AGBL1: variants seen among roughly 807,000 people sequenced by gnomAD.
The protein encoded by AGBL1 is cytosolic carboxypeptidase 4.
A neutral mutation model predicts 118.9 loss-of-function variants in AGBL1; 130 were observed. The ratio of observed to expected loss-of-function variants is 1.09; its 90% CI spans 0.95 to 1.26. The LOEUF is 1.26. Ranked by LOEUF, AGBL1 falls within the 50% of genes most tolerant of loss-of-function variation. The probability of loss-of-function intolerance (pLI) is 0.00; values close to 1 mark genes in which losing one functional copy is unlikely to be tolerated. For synonymous variants in AGBL1, 555 were observed against 478.9 expected, an observed-to-expected ratio of 1.16 and a Z score of -2.08; for missense variants, 1,584 against 1,298.1, an observed-to-expected ratio of 1.22 and a Z score of -3.38.
intron 3 of AGBL1, among the ~76,000 whole-genome samples, 170 bp from the exon 4 acceptor site, chr15:86,154,260 A>G (rs1184545852): frequency 6.6e-6 from 1 of 152,128 alleles, no homozygotes; most frequent in Non-Finnish European, 1.5e-5. Context: ...CTTTTGATTC[A>G]TTTGGTTCTA....
At chr15:86,642,444 T>A (rs947365440) in intron 21 of AGBL1, among the ~76,000 whole-genome samples, 1 of 152,166 alleles carries the variant, frequency 6.6e-6, no homozygotes, top group Admixed American at 6.6e-5. Flanking sequence ...ATTATCATTT[T>A]TTTTCTTCCA....
chr15:86,532,258 A>G (rs1295229036), intron 19 of AGBL1, among the ~76,000 whole-genome samples: 1 of 151,900 alleles, frequency 6.6e-6, no homozygotes, highest in Non-Finnish European at 1.5e-5. Context: ...CAACTTCAGC[A>G]AAGTCTCAGG....
At chr15:87,017,050 C>A (rs2081614012) in intron 24 of AGBL1, among the ~76,000 whole-genome samples, 1 of 152,108 alleles carries the variant, frequency 6.6e-6, no homozygotes, top group African/African-American at 2.4e-5. Flanking sequence ...ATTCTGCAGG[C>A]CCCACTTCCA....
At chr15:86,279,569 A>G in intron 15 of AGBL1, 70 bp from the exon 16 acceptor site, 1 of 1,447,138 alleles carries the variant, frequency 6.9e-7, no homozygotes, top group African/African-American at 1.4e-5. Flanking sequence ...AGCATCTAGG[A>G]CCCTAAATGA....
intron 23 of AGBL1, among the ~76,000 whole-genome samples, chr15:86,963,200 C>A (rs2081011523): frequency 6.6e-6 from 1 of 151,956 alleles, no homozygotes; most frequent in Non-Finnish European, 1.5e-5. Context: ...AACCACAACT[C>A]TCGCTTGATT....
At chr15:86,211,748 GGC>G (rs2078102698) in intron 5 of AGBL1, among the ~76,000 whole-genome samples, 1 of 152,092 alleles carries the variant, frequency 6.6e-6, no homozygotes, top group Admixed American at 6.5e-5. Flanking sequence ...AGGGCATCAC[GGC>G]TTCCCTTTGC....
At chr15:86,977,681 G>T (rs1160176077) in intron 23 of AGBL1, among the ~76,000 whole-genome samples, 1 of 151,682 alleles carries the variant, frequency 6.6e-6, no homozygotes, top group Non-Finnish European at 1.5e-5. Context: ...TGGGTTTTAT[G>T]AATTTAGTAT....
At chr15:86,259,082 C>T (rs1388731080) in intron 9 of AGBL1, among the ~76,000 whole-genome samples, 1 of 152,146 alleles carries the variant, frequency 6.6e-6, no homozygotes, top group Non-Finnish European at 1.5e-5. Context: ...GTTTTCTAGA[C>T]CTTGGCACTG....
At chr15:86,769,987 A>G (rs1446068076) in intron 22 of AGBL1, among the ~76,000 whole-genome samples, 1 of 151,974 alleles carries the variant, frequency 6.6e-6, no homozygotes, top group Non-Finnish European at 1.5e-5. Flanking sequence ...TCCTCAACCC[A>G]ATTTAAAGGC....
chr15:86,229,495 A>T (rs1302517056), intron 6 of AGBL1, among the ~76,000 whole-genome samples: 1 of 152,142 alleles, frequency 6.6e-6, no homozygotes. Context: ...GGTCCCTTTG[A>T]TTCAAGATGA....
intron 1 of AGBL1, chr15:86,086,353 C>G (rs990410641): frequency 2.6e-5 from 4 of 152,214 alleles, no homozygotes; most frequent in African/African-American, 9.6e-5. Flanking sequence ...GGGTGTGAGT[C>G]CCATCTCCTT....
At chr15:86,185,205 G>C (rs1401665076) in intron 5 of AGBL1, among the ~76,000 whole-genome samples, 3 of 152,142 alleles carry the variant, frequency 2.0e-5, no homozygotes, top group Admixed American at 1.3e-4. Context: ...ACCACAATGA[G>C]ATACCATCTC....
intron 18 of AGBL1, among the ~76,000 whole-genome samples, chr15:86,434,478 AT>A (rs1195063591): frequency 2.0e-5 from 3 of 152,184 alleles, no homozygotes; most frequent in African/African-American, 7.2e-5. Flanking sequence ...ATGCTAATTT[AT>A]TTACTTATTA....
At chr15:86,589,828 T>A (rs1201012539) in intron 21 of AGBL1, among the ~76,000 whole-genome samples, 1 of 152,148 alleles carries the variant, frequency 6.6e-6, no homozygotes, top group Non-Finnish European at 1.5e-5. Context: ...TTTGTAATCA[T>A]CTGAGAGTAG....
At chr15:87,014,610 A>G (rs916856783) in intron 24 of AGBL1, among the ~76,000 whole-genome samples, 3 of 152,230 alleles carry the variant, frequency 2.0e-5, no homozygotes, top group Non-Finnish European at 4.4e-5. Context: ...AGATTAACGG[A>G]TATGTGCTTA....
intron 5 of AGBL1, among the ~76,000 whole-genome samples, chr15:86,221,191 T>C (rs2078275133): frequency 6.6e-6 from 1 of 150,530 alleles, no homozygotes; most frequent in South Asian, 2.1e-4. Context: ...AGTGCAAAAC[T>C]CCATCAAAAA....
intron 21 of AGBL1, among the ~76,000 whole-genome samples, chr15:86,576,229 G>A (rs545997113): frequency 2.6e-5 from 4 of 152,302 alleles, no homozygotes; most frequent in African/African-American, 9.6e-5. Flanking sequence ...CAGAGTACAT[G>A]TATATAAAGC....
intron 22 of AGBL1, among the ~76,000 whole-genome samples, chr15:86,800,963 G>A (rs2078640760): frequency 6.6e-6 from 1 of 152,096 alleles, no homozygotes; most frequent in Admixed American, 6.6e-5. Flanking sequence ...ATCAACTAAA[G>A]ATTAGTGTTA....
At chr15:86,350,694 A>C (rs1287510224) in intron 17 of AGBL1, among the ~76,000 whole-genome samples, 1 of 152,214 alleles carries the variant, frequency 6.6e-6, no homozygotes, top group African/African-American at 2.4e-5. Context: ...TGAGTTAGCT[A>C]GTTTCAGAAG....
Sources: gnomAD v4.1 joint callset for allele counts (sites outside exome capture counted in the v4.1 genomes callset) on GRCh38, gnomAD v4.1.1 for gene constraint, MANE v1.5 for transcripts, NCBI Gene and HGNC (gene_info 2026-07-23, HGNC 2026-07-21) for gene names.